The following TMEM132D variants were observed in gnomAD, a reference collection of about 807,000 sequenced individuals.
TMEM132D encodes the protein mature OL transmembrane protein.
TMEM132D carries 21 observed loss-of-function variants against 62.3 expected under a neutral mutation model. That is an observed-to-expected ratio of 0.34 (90% CI 0.24 to 0.49). The LOEUF (loss-of-function observed/expected upper bound fraction) is 0.49. TMEM132D is among the 20% of genes least tolerant of loss of function. The pLI, the probability that TMEM132D is intolerant of heterozygous loss-of-function variation, is 0.99. For missense variants in TMEM132D, 1,346 were observed against 1,402.8 expected (o/e 0.96, Z 0.65); for synonymous variants, 621 against 575.6 (o/e 1.08, Z -1.13).
chr12:129,292,814 C>T lies in TMEM132D; in HGVS notation c.1299+44820G>A, dbSNP rs139248711. ...AGAAAATGAAAAAAGGAGAGAAAGA[C>T]CTTTTCTTGGCTTTCGATTTCCAAA... On this transcript the variant is annotated intron_variant, in intron 4 of 8. Coordinates refer to ENST00000422113, the MANE Select transcript of TMEM132D (RefSeq NM_133448.3). Among the ~76,000 whole-genome samples, 653 of 152,296 alleles carry T rather than the reference C, an allele frequency of 4.3e-3. 5 individuals carry two copies. The highest frequency in any genetic ancestry group is 0.014 in the African/African-American group (597 of 41,548).
At chr12:129,834,815 G>C (rs1254214962) in intron 1 of TMEM132D, among the ~76,000 whole-genome samples, 2 of 152,194 alleles carry the variant, frequency 1.3e-5, no homozygotes, top group Non-Finnish European at 2.9e-5. Context: ...CCCACAGGCT[G>C]CACATTGGGC....
intron 3 of TMEM132D, among the ~76,000 whole-genome samples, chr12:129,488,489 A>G (rs1251610268): frequency 1.3e-5 from 2 of 152,142 alleles, no homozygotes; most frequent in Non-Finnish European, 2.9e-5. Context: ...CCTGGGCAAC[A>G]TGACAAAACC....
Position 129,631,167 on chromosome 12 carries a change from G to A in TMEM132D, c.968+68643C>T, listed in dbSNP as rs149712049. Among the ~76,000 whole-genome samples, 121 of 152,266 alleles carry A rather than the reference G, an allele frequency of 7.9e-4. No individual in the cohort carries two copies. The East Asian group carries it at 0.018, about 23-fold the overall frequency. ...TTGCTCAAGGCCACCTGAGGAGGAG[G>A]TACAAAAGCCAGGATTCAGCCTGGA... On this transcript the variant is annotated intron_variant, in intron 2 of 8. Coordinates refer to ENST00000422113, the MANE Select transcript of TMEM132D (RefSeq NM_133448.3).
At chr12:129,361,117 T>C (rs1164559767) in intron 3 of TMEM132D, among the ~76,000 whole-genome samples, 1 of 152,024 alleles carries the variant, frequency 6.6e-6, no homozygotes, top group Non-Finnish European at 1.5e-5. Context: ...GAAAACAGTG[T>C]TTGGAGTGTT....
chr12:129,764,142 A>G (rs1260441089), intron 1 of TMEM132D, among the ~76,000 whole-genome samples: 2 of 152,206 alleles, frequency 1.3e-5, no homozygotes, highest in African/African-American at 4.8e-5. Context: ...TCAGGTAGCA[A>G]GCCCATCACT....
At chr12:129,117,439 C>A (rs1875928709) in intron 5 of TMEM132D, among the ~76,000 whole-genome samples, 1 of 152,156 alleles carries the variant, frequency 6.6e-6, no homozygotes, top group African/African-American at 2.4e-5. Flanking sequence ...TAAAAAAGGA[C>A]CAGTTCAGGT....
At chr12:129,790,633 G>A (rs1413416636) in intron 1 of TMEM132D, among the ~76,000 whole-genome samples, 1 of 152,146 alleles carries the variant, frequency 6.6e-6, no homozygotes, top group African/African-American at 2.4e-5. Flanking sequence ...TGGGGGGGCA[G>A]GGCAGGCCAT....
chr12:129,752,031 C>T (rs1388735645), intron 1 of TMEM132D, among the ~76,000 whole-genome samples: 1 of 152,112 alleles, frequency 6.6e-6, no homozygotes, highest in African/African-American at 2.4e-5. Context: ...AATCCCAATT[C>T]TTTAAAATGA....
chr12:129,648,730 A>G (rs112441025), intron 2 of TMEM132D, among the ~76,000 whole-genome samples: 4 of 152,360 alleles, frequency 2.6e-5, no homozygotes, highest in African/African-American at 9.6e-5. Flanking sequence ...AAACCACAGT[A>G]TTTTATGAAT....
intron 3 of TMEM132D, among the ~76,000 whole-genome samples, chr12:129,449,508 C>T (rs1465794649): frequency 1.3e-5 from 2 of 152,178 alleles, no homozygotes; most frequent in Non-Finnish European, 2.9e-5. Flanking sequence ...TTGACAGCTT[C>T]AGATTTTTGT....
chr12:129,145,379 G>A (rs1015351687), intron 5 of TMEM132D, among the ~76,000 whole-genome samples: 14 of 152,132 alleles, frequency 9.2e-5, no homozygotes, highest in Admixed American at 5.9e-4. Flanking sequence ...TCAGGGATGC[G>A]TTTCAAGGGG....
chr12:129,447,717 A>C (rs1873146054), intron 3 of TMEM132D, among the ~76,000 whole-genome samples: 1 of 152,204 alleles, frequency 6.6e-6, no homozygotes, highest in South Asian at 2.1e-4. Flanking sequence ...CTGGGGTAGT[A>C]GTGAAGTTTT....
At chr12:129,883,429 T>A (rs1194563212) in intron 1 of TMEM132D, among the ~76,000 whole-genome samples, 1 of 152,218 alleles carries the variant, frequency 6.6e-6, no homozygotes, top group Non-Finnish European at 1.5e-5. Flanking sequence ...AACTCATTAT[T>A]ATTAAGATGG....
chr12:129,286,797 C>T (rs1056334359), intron 4 of TMEM132D, among the ~76,000 whole-genome samples: 3 of 152,126 alleles, frequency 2.0e-5, no homozygotes, highest in African/African-American at 7.2e-5. Flanking sequence ...CCTGTAATCC[C>T]AGCATGTCGG....
intron 1 of TMEM132D, among the ~76,000 whole-genome samples, chr12:129,739,970 C>T (rs1191578178): frequency 6.6e-6 from 1 of 152,170 alleles, no homozygotes; most frequent in East Asian, 1.9e-4. Context: ...ATGATCATAT[C>T]TCCTTGTTAG....
chr12:129,768,981 A>C (rs1593154748), intron 1 of TMEM132D, among the ~76,000 whole-genome samples: 1 of 152,272 alleles, frequency 6.6e-6, no homozygotes, highest in South Asian at 2.1e-4. Flanking sequence ...TATCCTTGAA[A>C]AGCTCCTCGA....
At chr12:129,083,316 G>A (rs1318305241) in intron 6 of TMEM132D, among the ~76,000 whole-genome samples, 1 of 152,150 alleles carries the variant, frequency 6.6e-6, no homozygotes, top group Non-Finnish European at 1.5e-5. Context: ...CACCTTCTCG[G>A]TCTCCATCAG....
chr12:129,293,863 G>A (rs1922657), intron 4 of TMEM132D, among the ~76,000 whole-genome samples: 3 of 152,206 alleles, frequency 2.0e-5, no homozygotes, highest in East Asian at 1.9e-4. Context: ...TGTGTGGCCC[G>A]GTTCCTAACC....
intron 3 of TMEM132D, among the ~76,000 whole-genome samples, chr12:129,497,662 G>T (rs1875000344): frequency 6.6e-6 from 1 of 151,802 alleles, no homozygotes; most frequent in Non-Finnish European, 1.5e-5. Context: ...CCTGTTATTT[G>T]ATTTTGTTTT....
Sources: gnomAD v4.1 joint callset for allele counts (sites outside exome capture counted in the v4.1 genomes callset) on GRCh38, gnomAD v4.1.1 for gene constraint, MANE v1.5 for transcripts, NCBI Gene and HGNC (gene_info 2026-07-23, HGNC 2026-07-21) for gene names.